The following MYO9A variants were observed in gnomAD, a reference collection of about 807,000 sequenced individuals.
MYO9A encodes unconventional myosin-IXa.
MYO9A carries 103 observed loss-of-function variants against 293.3 expected under a neutral mutation model. That is an observed-to-expected ratio of 0.35 (90% CI 0.30 to 0.41). The LOEUF (loss-of-function observed/expected upper bound fraction) is 0.41. Among genes scored for constraint, MYO9A ranks in the 10% least tolerant of loss-of-function variants. The pLI is 1.00. For missense variants in MYO9A, 2,685 were observed against 3,033.0 expected (o/e 0.89, Z 2.69); for synonymous variants, 1,001 against 1,035.7 (o/e 0.97, Z 0.64).
intron 8 of MYO9A, among the ~76,000 whole-genome samples, chr15:72,006,098 G>A (rs1448703616): frequency 6.6e-6 from 1 of 152,094 alleles, no homozygotes; most frequent in Non-Finnish European, 1.5e-5. Context: ...TGTTTCTAGA[G>A]ACAGGGTCTC....
rs752644189 is a variant in MYO9A, at chr15:71,959,983, G to C, written c.2100C>G (p.Phe700Leu). The C allele has an allele frequency of 1.2e-5, 20 of 1,613,938 alleles. No individual in the cohort carries two copies. The highest frequency in any genetic ancestry group is 1.6e-5 in the Non-Finnish European group (19 of 1,179,992). The stretch of plus-strand genomic sequence containing the variant: ...AAAAAGCTCGGAGAATTGCCCATCG[G>C]AAAACAGCTACAGGATCAATTCCAA... ...GMIGIDPVAV[F>L]RWAILRAFFR... Residue 700 changes from phenylalanine (F) to leucine (L), a missense_variant, in exon 14 of 42, where the codon TTC becomes TTG. Physicochemically the swap from Phe to Leu is conservative, Grantham distance 22. This residue lies in a region of MYO9A where 201 missense variants were observed against 245.2 expected (regional missense o/e 0.82). Coordinates refer to ENST00000356056, the MANE Select transcript of MYO9A (RefSeq NM_006901.4).
intron 8 of MYO9A, among the ~76,000 whole-genome samples, chr15:72,004,069 T>C (rs1180338065): frequency 1.3e-5 from 2 of 152,222 alleles, no homozygotes; most frequent in African/African-American, 4.8e-5. Context: ...TTGCATATCA[T>C]ATTTGGTAAG....
chr15:72,007,392 GGA>G (rs1566943763), intron 8 of MYO9A, among the ~76,000 whole-genome samples: 1 of 138,054 alleles, frequency 7.2e-6, no homozygotes. Context: ...AACCCATAAG[GGA>G]AAAAAAAAAA....
At chr15:71,867,087 C>A in intron 32 of MYO9A, among the ~76,000 whole-genome samples, 1 of 151,576 alleles carries the variant, frequency 6.6e-6, no homozygotes. Flanking sequence ...CACACACACA[C>A]ACACACACAC....
chr15:72,080,969 G>A (rs1441157453), intron 1 of MYO9A, among the ~76,000 whole-genome samples: 1 of 152,208 alleles, frequency 6.6e-6, no homozygotes, highest in East Asian at 1.9e-4. Flanking sequence ...TACCACTGAT[G>A]GGCATTTAGG....
intron 1 of MYO9A, among the ~76,000 whole-genome samples, chr15:72,100,759 C>T (rs1263503072): frequency 6.6e-6 from 1 of 151,116 alleles, no homozygotes; most frequent in Non-Finnish European, 1.5e-5. Flanking sequence ...AGACCCTCCA[C>T]CCGGCAGCTG....
chr15:71,947,272 C>G (rs1162544611), intron 15 of MYO9A, among the ~76,000 whole-genome samples: 1 of 138,254 alleles, frequency 7.2e-6, no homozygotes, highest in African/African-American at 2.7e-5. Context: ...ACAAGCCAGA[C>G]TCCATCTCAG....
chr15:71,966,466 T>C (rs910907376), intron 13 of MYO9A, among the ~76,000 whole-genome samples: 21 of 152,300 alleles, frequency 1.4e-4, no homozygotes, highest in Admixed American at 1.2e-3. Flanking sequence ...AGTTTTTCTA[T>C]AGCTCAAGCT....
Position 71,894,383 on chromosome 15 carries a change from C to T in MYO9A, c.5043-605G>A, listed in dbSNP as rs544191983. Among the ~76,000 whole-genome samples the T allele has an allele frequency of 1.4e-3, 207 of 152,192 alleles. 1 individual carries two copies. The highest frequency in any genetic ancestry group is 4.7e-3 in the African/African-American group (195 of 41,524). On this transcript the variant is annotated intron_variant, in intron 25 of 41. Coordinates refer to ENST00000356056, the MANE Select transcript of MYO9A (RefSeq NM_006901.4). ...CCTGAGGTCAGGAGTTTGAGACCAG[C>T]GTGGTCAACATGGCAAAACTCCGTC...
rs573368115 is a variant in MYO9A, at chr15:72,068,902, C to T, written c.-71-22268G>A. 2.6e-5 allele frequency among the ~76,000 whole-genome samples: 4 copies of T among 152,268 alleles called. No homozygotes were observed. In the East Asian group the frequency reaches 7.7e-4, roughly 29 times the overall value. ...TTACTGTATGTTTTAATCATTCCAT[C>T]CTCATAACAACCCTAAGGAAAGGCA... On this transcript the variant is annotated intron_variant, in intron 1 of 41. Transcript: ENST00000356056.
intron 1 of MYO9A, among the ~76,000 whole-genome samples, chr15:72,103,902 A>G (rs2080480000): frequency 6.6e-6 from 1 of 152,190 alleles, no homozygotes; most frequent in African/African-American, 2.4e-5. Context: ...GTTGGAGGGA[A>G]GCACTTCTGG....
At chr15:72,064,148 G>A (rs937692350) in intron 1 of MYO9A, among the ~76,000 whole-genome samples, 1 of 152,152 alleles carries the variant, frequency 6.6e-6, no homozygotes, top group Non-Finnish European at 1.5e-5. Flanking sequence ...GTAGAGTGAT[G>A]GTTATCAGAG....
chr15:72,017,081 T>A (rs556980251), intron 6 of MYO9A, among the ~76,000 whole-genome samples: 1 of 137,540 alleles, frequency 7.3e-6, no homozygotes, highest in Non-Finnish European at 1.5e-5. Flanking sequence ...AGTGTAATGG[T>A]GTGATCTTGT....
Position 71,878,124 on chromosome 15 carries a change from T to C in MYO9A, c.5847A>G (p.Pro1949=). Residue 1949 remains proline, a synonymous_variant, in exon 31 of 42, where the codon CCA becomes CCG. Coordinates refer to ENST00000356056, the MANE Select transcript of MYO9A (RefSeq NM_006901.4). ...LEQRDSLGES[P]VRVWVNTFKV... is the part of the protein sequence containing the mutation. Reference sequence around the variant, plus strand: ...TAAAAGTGTTGACCCAAACTCTCACTGGAGATTCACCCAGTGAATCACGCT... The same window carrying C: ...TAAAAGTGTTGACCCAAACTCTCACCGGAGATTCACCCAGTGAATCACGCT... The C allele has an allele frequency of 6.2e-7, 1 of 1,612,822 alleles. No homozygotes were observed. The highest frequency in any genetic ancestry group is 8.5e-7 in the Non-Finnish European group (1 of 1,179,542).
intron 1 of MYO9A, among the ~76,000 whole-genome samples, chr15:72,096,021 C>T (rs1489086656): frequency 1.3e-5 from 2 of 151,976 alleles, no homozygotes; most frequent in Non-Finnish European, 2.9e-5. Flanking sequence ...ATTAGCTGGG[C>T]ATGGTGGTGG....
chr15:71,865,400 C>A (rs2056289161), intron 32 of MYO9A, among the ~76,000 whole-genome samples: 1 of 152,142 alleles, frequency 6.6e-6, no homozygotes, highest in South Asian at 2.1e-4. Context: ...GTAGAAACAA[C>A]TGAAATGTCC....
At chr15:72,076,853 A>T (rs546750524) in intron 1 of MYO9A, among the ~76,000 whole-genome samples, 1 of 152,316 alleles carries the variant, frequency 6.6e-6, no homozygotes. Flanking sequence ...AACTACAGTA[A>T]ATCAAGACTG....
chr15:71,887,684 T>C (rs184470188), intron 27 of MYO9A, among the ~76,000 whole-genome samples: 187 of 152,306 alleles, frequency 1.2e-3, no homozygotes, highest in African/African-American at 4.2e-3. Flanking sequence ...TTACCTTTCC[T>C]CTGCATGATG....
At chr15:71,935,092 C>A (rs1373411179) in intron 17 of MYO9A, 1 of 352,172 alleles carries the variant, frequency 2.8e-6, no homozygotes, top group Non-Finnish European at 5.1e-6. Flanking sequence ...ATCTCCATAA[C>A]AAATATACTC....
Sources: gnomAD v4.1 joint callset for allele counts (sites outside exome capture counted in the v4.1 genomes callset) on GRCh38, gnomAD v4.1.1 for gene constraint, gnomAD v4.1.1 regional missense constraint, MANE v1.5 for transcripts, NCBI Gene and HGNC (gene_info 2026-07-23, HGNC 2026-07-21) for gene names.